The following RAB20 variants were observed in gnomAD, a reference collection of about 807,000 sequenced individuals.
RAB20 encodes the protein ras-related protein Rab-20.
A neutral mutation model predicts 3.7 loss-of-function variants in RAB20; 2 were observed. The observed-to-expected ratio is 0.54, with a 90% CI of 0.22 to 1.69. RAB20 has a LOEUF of 1.69. Among genes scored for constraint, RAB20 ranks in the 40% most tolerant of loss-of-function variants. The pLI is 0.19. For missense variants in RAB20, 276 were observed against 311.9 expected (o/e 0.88, Z 0.87); for synonymous variants, 126 against 130.8 (o/e 0.96, Z 0.25).
At chr13:110,537,540 A>T (rs879855937) in intron 1 of RAB20, among the ~76,000 whole-genome samples, 1 of 151,972 alleles carries the variant, frequency 6.6e-6, no homozygotes, top group African/African-American at 2.4e-5. Context: ...CTAAACTCAT[A>T]AAGAGGAAAG....
intron 1 of RAB20, among the ~76,000 whole-genome samples, chr13:110,535,494 T>C (rs1383581357): frequency 6.6e-6 from 1 of 152,244 alleles, no homozygotes; most frequent in Non-Finnish European, 1.5e-5. Flanking sequence ...TAAACCACTC[T>C]GGGAAGTCTC....
In RAB20 at chr13:110,561,461, G is replaced by A. The variant is rs1885132105; in HGVS notation, c.59C>T (p.Ser20Leu). The change falls in exon 1 of 2, where the codon TCG becomes TTG. Residue 20 changes from serine to leucine, a missense_variant. Physicochemically the swap from Ser to Leu is moderately radical, Grantham distance 145 (BLOSUM62 -2). Transcript: ENST00000267328. ...LLGDMNVGKT[S>L]LLQRYMERRF... ...CCGCTCCATATACCGCTGCAGCAGC[G>A]ACGTCTTCCCCACGTTCATGTCCCC... 3.7e-6 allele frequency: 6 copies of A among 1,603,200 alleles called. No homozygotes were observed. The highest frequency in any genetic ancestry group is 3.3e-4 in the Middle Eastern group (2 of 6,026).
At chr13:110,550,120 C>T (rs1299397015) in intron 1 of RAB20, among the ~76,000 whole-genome samples, 2 of 152,076 alleles carry the variant, frequency 1.3e-5, no homozygotes, top group Admixed American at 6.5e-5. Context: ...AGGGAGCTCC[C>T]AGAAAGCCGA....
At chr13:110,536,726 C>CGG (rs71419778) in intron 1 of RAB20, among the ~76,000 whole-genome samples, 457 of 10,356 alleles carry the variant, frequency 0.044, 113 homozygotes, top group Non-Finnish European at 0.056. Flanking sequence ...TTTTTTGGGG[C>CGG]GGTGGGGGGG....
chr13:110,560,475 G>A (rs1240912006), intron 1 of RAB20, among the ~76,000 whole-genome samples: 1 of 152,096 alleles, frequency 6.6e-6, no homozygotes, highest in Non-Finnish European at 1.5e-5. Flanking sequence ...GACTTTTTAA[G>A]ATGCTAACAT....
chr13:110,543,844 C>T (rs555796493), intron 1 of RAB20, among the ~76,000 whole-genome samples: 10 of 148,812 alleles, frequency 6.7e-5, no homozygotes, highest in South Asian at 6.3e-4. Context: ...GGTGCGATCT[C>T]GGCTCACTGC....
At chr13:110,547,703 G>A (rs1201261288) in intron 1 of RAB20, among the ~76,000 whole-genome samples, 1 of 152,174 alleles carries the variant, frequency 6.6e-6, no homozygotes, top group Non-Finnish European at 1.5e-5. Context: ...TGCCAGAGAG[G>A]ATTAAAGGAG....
Position 110,561,571 on chromosome 13 carries a change from G to A in RAB20, c.-52C>T, listed in dbSNP as rs1421556791. ...CGCGCCCTCTCCCCGAGGCTGGCCG[G>A]CTCGTGCGCCCTGGGCGCAGCTGGA... On this transcript the variant is annotated 5_prime_UTR_variant, in exon 1 of 2. Coordinates refer to ENST00000267328, the MANE Select transcript of RAB20 (RefSeq NM_017817.3). 2.0e-6 allele frequency: 3 copies of A among 1,500,658 alleles called. No homozygotes were observed. The highest frequency in any genetic ancestry group is 2.7e-6 in the Non-Finnish European group (3 of 1,127,618). The allele number at this position is 1,500,658 out of a possible 1,614,324, so 93.0% of individuals were successfully genotyped here.
chr13:110,561,084 C>CG (rs1376335489), intron 1 of RAB20, among the ~76,000 whole-genome samples: 1 of 152,178 alleles, frequency 6.6e-6, no homozygotes, highest in Non-Finnish European at 1.5e-5. Flanking sequence ...AGCAGGAACG[C>CG]GGGGCTCGGG....
In RAB20 at chr13:110,533,893, A is replaced by G. The variant is rs1426936172; in HGVS notation, c.173-9696T>C. Among the ~76,000 whole-genome samples the G allele has an allele frequency of 5.9e-5, 9 of 152,304 alleles. No individual in the cohort carries two copies. The South Asian group carries it at 1.7e-3, about 28-fold the overall frequency. The stretch of plus-strand genomic sequence containing the variant: ...CTGGCTGGACACACCTGCCCCCACC[A>G]GTACGTGGAAAGTGGAGAGCTAGCA... On this transcript the variant is annotated intron_variant, in intron 1 of 1. Coordinates refer to ENST00000267328, the MANE Select transcript of RAB20 (RefSeq NM_017817.3).
intron 1 of RAB20, 57 bp downstream of exon 1, chr13:110,561,291 G>GC (rs1885125105): frequency 4.7e-6 from 7 of 1,483,642 alleles, no homozygotes; most frequent in South Asian, 3.9e-5. Context: ...GAAGCCCCGC[G>GC]CCCCCCGTCC....
At chr13:110,544,932 G>A (rs925944138) in intron 1 of RAB20, among the ~76,000 whole-genome samples, 7 of 152,178 alleles carry the variant, frequency 4.6e-5, no homozygotes, top group African/African-American at 1.2e-4. Flanking sequence ...AGTCTTTCCC[G>A]TGCTACTCTT....
Position 110,544,183 on chromosome 13 carries a change from T to G in RAB20, c.172+17165A>C, listed in dbSNP as rs1426601135. 2.0e-5 allele frequency among the ~76,000 whole-genome samples: 3 copies of G among 152,334 alleles called. No individual in the cohort carries two copies. In the East Asian group the frequency reaches 5.8e-4, roughly 29 times the overall value. ...TTCCCCCAAAGGTTCTTGGCATCTT[T>G]GTCAAAGATCAACTAACAGTAAACG... On this transcript the variant is annotated intron_variant, in intron 1 of 1. Coordinates refer to ENST00000267328, the MANE Select transcript of RAB20 (RefSeq NM_017817.3).
intron 1 of RAB20, among the ~76,000 whole-genome samples, chr13:110,529,950 G>A (rs771191430): frequency 1.3e-5 from 2 of 152,212 alleles, no homozygotes; most frequent in Non-Finnish European, 2.9e-5. Context: ...TACCCCTGGT[G>A]GTGAGGGAAA....
intron 1 of RAB20, among the ~76,000 whole-genome samples, chr13:110,536,390 A>G (rs990448272): frequency 1.3e-5 from 2 of 152,218 alleles, no homozygotes; most frequent in Non-Finnish European, 1.5e-5. Flanking sequence ...CCCCCTAGAC[A>G]GGCACCGAAA....
chr13:110,537,238 C>A (rs1406443376), intron 1 of RAB20, among the ~76,000 whole-genome samples: 6 of 151,580 alleles, frequency 4.0e-5, no homozygotes, highest in Admixed American at 2.0e-4. Context: ...CTCAAGCAGT[C>A]CTCCCACATT....
At position 110,561,404 on chromosome 13, in the gene RAB20, C is replaced by G. The variant is rs976684491; in HGVS notation, c.116G>C (p.Gly39Ala). The G allele has an allele frequency of 6.2e-7, 1 of 1,609,830 alleles. No homozygotes were observed. Among genetic ancestry groups the G allele is most frequent in the Non-Finnish European group, 8.5e-7 (1 of 1,178,218 alleles). ...GCGCCACTGCTTCAGGTAGAAGGCGCCGCCCACCGTGCTGACCGTGTCCGG... is the reference window on the plus strand; with the variant it reads ...GCGCCACTGCTTCAGGTAGAAGGCGGCGCCCACCGTGCTGACCGTGTCCGG... ...RFPDTVSTVG[G>A]AFYLKQWRSY... Residue 39 changes from glycine (G) to alanine (A), a missense_variant, in exon 1 of 2, where the codon GGC becomes GCC. Coordinates refer to ENST00000267328, the MANE Select transcript of RAB20 (RefSeq NM_017817.3).
chr13:110,524,327 A>G (rs901708168), intron 1 of RAB20, 130 bp from the exon 2 acceptor site: 28 of 1,345,422 alleles, frequency 2.1e-5, no homozygotes, highest in Non-Finnish European at 2.5e-5. Context: ...GAAATGCTTA[A>G]ACATAGTTGA....
intron 1 of RAB20, among the ~76,000 whole-genome samples, chr13:110,538,611 A>G (rs1566586836): frequency 2.2e-5 from 3 of 133,408 alleles, no homozygotes; most frequent in Non-Finnish European, 3.4e-5. Context: ...AAAAAAAAAA[A>G]AAAAAAAGAA....
Sources: gnomAD v4.1 joint callset for allele counts (sites outside exome capture counted in the v4.1 genomes callset) on GRCh38, gnomAD v4.1.1 for gene constraint, MANE v1.5 for transcripts, NCBI Gene and HGNC (gene_info 2026-07-23, HGNC 2026-07-21) for gene names.